GOLGB1: variants seen among roughly 807,000 people sequenced by gnomAD.
GOLGB1 encodes golgin B1, also known as golgin subfamily B member 1.
In GOLGB1, 174 loss-of-function variants were observed where a neutral mutation model predicts 336.9. The ratio of observed to expected loss-of-function variants is 0.52; its 90% confidence interval spans 0.46 to 0.59. GOLGB1 has a LOEUF of 0.59. Ranked by LOEUF, GOLGB1 falls within the 20% of genes least tolerant of loss-of-function variation. The pLI is 0.00. For missense variants in GOLGB1, 3,331 were observed against 3,645.3 expected (o/e 0.91, Z 2.22); for synonymous variants, 1,208 against 1,289.2 (o/e 0.94, Z 1.35).
Position 121,693,734 on chromosome 3 carries a change from C to T in GOLGB1, c.6782+7G>A. ...TCTGGAGGAGGAAAAATTCACTACT[C>T]ATTTACCTGGAAATGTTAATCTTTA... On this transcript the variant is annotated splice_region_variant and intron_variant, in intron 13 of 21. Coordinates refer to ENST00000614479, the MANE Select transcript of GOLGB1 (RefSeq NM_001366282.2). The T allele has an allele frequency of 6.3e-7, 1 of 1,582,738 alleles. No individual in the cohort carries two copies. Among genetic ancestry groups the T allele is most frequent in the Non-Finnish European group, 8.6e-7 (1 of 1,160,158 alleles).
intron 6 of GOLGB1, among the ~76,000 whole-genome samples, chr3:121,721,656 G>C (rs951476458): frequency 6.6e-6 from 1 of 151,922 alleles, no homozygotes; most frequent in Non-Finnish European, 1.5e-5. Flanking sequence ...GTGGGAGTGC[G>C]TGGCCAACCA....
At position 121,726,952 on chromosome 3, in the gene GOLGB1, T is replaced by C. The variant is rs377308999; in HGVS notation, c.492A>G (p.Gln164=). 1 of 1,604,858 alleles carries C rather than the reference T, an allele frequency of 6.2e-7. No homozygotes were observed. Among genetic ancestry groups the C allele is most frequent in the African/African-American group, 1.3e-5 (1 of 74,724 alleles). ...QEKEELISTL[Q]AQLTQAQAEQ... is the part of the protein sequence containing the mutation. ...CTGCCTGTGCCTGAGTAAGCTGGGC[T>C]TGCAAAGTGCTGATTAGTTCCTCCT... The change falls in exon 5 of 22, where the codon CAA becomes CAG. Residue 164 remains glutamine, a synonymous_variant. Transcript: ENST00000614479.
At chr3:121,714,801 G>A (rs142570934) in intron 10 of GOLGB1, 60 bp downstream of exon 10, 32 of 1,061,244 alleles carry the variant, frequency 3.0e-5, no homozygotes, top group Admixed American at 2.2e-4. Flanking sequence ...TTAGAGCACC[G>A]AAGTACAGAT....
chr3:121,677,534 C>T, intron 15 of GOLGB1, 84 bp from the exon 16 acceptor site: 1 of 870,438 alleles, frequency 1.1e-6, no homozygotes, highest in Non-Finnish European at 1.8e-6. Context: ...CAGCACTTTG[C>T]TTATCTTCAA....
chr3:121,730,997 A>G (rs961541547), intron 1 of GOLGB1, 24 bp from the exon 2 acceptor site: 2 of 1,603,376 alleles, frequency 1.2e-6, no homozygotes, highest in African/African-American at 2.7e-5. Context: ...AGGGGGGAAA[A>G]AACCTAAGAA....
intron 13 of GOLGB1, among the ~76,000 whole-genome samples, chr3:121,693,213 G>A (rs1560219096): frequency 6.6e-6 from 1 of 152,202 alleles, no homozygotes; most frequent in Non-Finnish European, 1.5e-5. Flanking sequence ...GAGGCCAGGT[G>A]CAATGGCTCA....
At chr3:121,664,723 G>T in intron 21 of GOLGB1, 109 bp from the exon 22 acceptor site, 1 of 1,084,132 alleles carries the variant, frequency 9.2e-7, no homozygotes, top group Non-Finnish European at 1.4e-6. Context: ...CTGTAGAAAG[G>T]GGTATTCTGA....
intron 14 of GOLGB1, among the ~76,000 whole-genome samples, chr3:121,688,870 C>T (rs1576325472): frequency 6.7e-6 from 1 of 148,720 alleles, no homozygotes; most frequent in African/African-American, 2.5e-5. Flanking sequence ...CATCTCTGCC[C>T]AGCCGCCCCG....
Position 121,696,676 on chromosome 3 carries a change from G to A in GOLGB1, c.3847C>T (p.Pro1283Ser), listed in dbSNP as rs1942976180. ...FKATEQHHTQ[P>S]VLESNLCPDW... ...GGGCACAAGTTGGACTCTAAAACAG[G>A]TTGAGTGTGATGCTGTTCTGTGGCT... The change falls in exon 13 of 22, where the codon CCT (proline) becomes TCT (serine). Residue 1283 changes from proline (P) to serine (S), a missense_variant. Physicochemically the swap from Pro to Ser is moderately conservative, Grantham distance 74 (BLOSUM62 -1). Coordinates refer to ENST00000614479, the MANE Select transcript of GOLGB1 (RefSeq NM_001366282.2). The A allele has an allele frequency of 1.2e-6, 2 of 1,614,106 alleles. No homozygotes were observed. Among genetic ancestry groups the A allele is most frequent in the East Asian group, 4.5e-5 (2 of 44,884 alleles).
intron 1 of GOLGB1, among the ~76,000 whole-genome samples, chr3:121,744,840 G>C (rs1485796839): frequency 6.6e-6 from 1 of 152,152 alleles, no homozygotes; most frequent in Non-Finnish European, 1.5e-5. Context: ...CAGTCTCAGA[G>C]ATCCACAGGA....
chr3:121,728,128 G>A (rs1328870407), intron 4 of GOLGB1, among the ~76,000 whole-genome samples: 1 of 152,106 alleles, frequency 6.6e-6, no homozygotes, highest in African/African-American at 2.4e-5. Context: ...AACTGACAGA[G>A]GAAAAACCAA....
rs751606190 is a variant in GOLGB1 at position 121,697,850 on chromosome 3, C to G, written c.2673G>C (p.Lys891Asn). Residue 891 changes from lysine to asparagine, a missense_variant, in exon 13 of 22, where the codon AAG becomes AAC. Lys to Asn is a moderately conservative substitution (Grantham distance 94). Coordinates refer to ENST00000614479, the MANE Select transcript of GOLGB1 (RefSeq NM_001366282.2). ...TKMDQLLLEKKRDVETLQQTI... is the reference protein window; with the variant it reads ...TKMDQLLLEKNRDVETLQQTI... ...TTTGTTGGAGGGTTTCCACATCTCT[C>G]TTTTTCTCTAGTAAGAGCTGATCCA... 11 of 1,613,998 alleles carry G rather than the reference C, an allele frequency of 6.8e-6. No individual in the cohort carries two copies. Among genetic ancestry groups the G allele is most frequent in the Non-Finnish European group, 9.3e-6 (11 of 1,179,978 alleles).
Position 121,730,896 on chromosome 3 carries a change from T to A in GOLGB1, c.76A>T (p.Met26Leu), listed in dbSNP as rs754774035. Reference protein sequence around the residue: ...LSGDDDTDQNMRAPLDPELHQ... With the variant: ...LSGDDDTDQNLRAPLDPELHQ... ...CTCACAGGGTCTAGGGGAGCCCTCA[T>A]ATTCTGATCAGTGTCATCATCTCCT... The change falls in exon 2 of 22, where the codon ATG becomes TTG. Residue 26 changes from methionine to leucine, a missense_variant. By Grantham distance (15) the Met-to-Leu change is conservative. Coordinates refer to ENST00000614479, the MANE Select transcript of GOLGB1 (RefSeq NM_001366282.2). The A allele has an allele frequency of 2.2e-5, 36 of 1,612,450 alleles. No individual in the cohort carries two copies. Among genetic ancestry groups the A allele is most frequent in the Non-Finnish European group, 3.0e-5 (35 of 1,178,618 alleles).
At position 121,674,552 on chromosome 3, in the gene GOLGB1, AG is replaced by A. The variant is rs374293664; in HGVS notation, c.9177+2340del. Among the ~76,000 whole-genome samples the A allele has an allele frequency of 1.0e-3, 155 of 152,342 alleles. 1 individual carries two copies. The East Asian group carries it at 0.017, about 17-fold the overall frequency. On this transcript the variant is annotated intron_variant, in intron 17 of 21. Coordinates refer to ENST00000614479, the MANE Select transcript of GOLGB1 (RefSeq NM_001366282.2). ...GTGAATGCAGAAATTACCAATATGA[AG>A]GGCCAACTATAAATATAAAACCTGA...
rs773157470 is a variant in GOLGB1 at position 121,694,505 on chromosome 3, G to C, written c.6018C>G (p.Pro2006=). Residue 2006 remains proline, a synonymous_variant, in exon 13 of 22, where the codon CCC becomes CCG. Coordinates refer to ENST00000614479, the MANE Select transcript of GOLGB1 (RefSeq NM_001366282.2). Reference sequence around the variant, plus strand: ...GTTCCTTTGCATGGCTTTTATTTCCGGGTTCTTTCTGAGCACCTTGTATTT... The same window carrying C: ...GTTCCTTTGCATGGCTTTTATTTCCCGGTTCTTTCTGAGCACCTTGTATTT... ...LEKIQGAQKE[P]GNKSHAKELQ... is the part of the protein sequence containing the mutation. The C allele has an allele frequency of 1.9e-6, 3 of 1,610,820 alleles. No homozygotes were observed. Among genetic ancestry groups the C allele is most frequent in the African/African-American group, 2.7e-5 (2 of 74,586 alleles).
At chr3:121,747,341 A>C (rs1420676171) in intron 1 of GOLGB1, among the ~76,000 whole-genome samples, 2 of 117,888 alleles carry the variant, frequency 1.7e-5, no homozygotes, top group East Asian at 2.3e-4. Flanking sequence ...GTATATATGT[A>C]TATATATGTG....
At position 121,677,274 on chromosome 3, in the gene GOLGB1, A is replaced by C; in HGVS notation, c.9039+11T>G. On this transcript the variant is annotated intron_variant, in intron 16 of 21. Coordinates refer to ENST00000614479, the MANE Select transcript of GOLGB1 (RefSeq NM_001366282.2). ...TATCTCTGAGTAACAATCAGCATTG[A>C]AATTACTCACCTGTCTTTGGTATTG... The C allele has an allele frequency of 2.5e-6, 4 of 1,578,660 alleles. No individual in the cohort carries two copies. The highest frequency in any genetic ancestry group is 3.5e-6 in the Non-Finnish European group (4 of 1,154,244).
intron 5 of GOLGB1, among the ~76,000 whole-genome samples, chr3:121,725,639 G>A (rs977038370): frequency 1.3e-5 from 2 of 152,098 alleles, no homozygotes; most frequent in East Asian, 1.9e-4. Context: ...AGCCAAGGGT[G>A]GAAGGCTATG....
Position 121,696,443 on chromosome 3 carries a change from ACT to A in GOLGB1, c.4078_4079del (p.Leu1361LysfsTer6). 1 of 1,613,714 alleles carries A rather than the reference ACT, an allele frequency of 6.2e-7. No individual in the cohort carries two copies. Among genetic ancestry groups the A allele is most frequent in the Non-Finnish European group, 8.5e-7 (1 of 1,179,916 alleles). On this transcript the variant is annotated frameshift_variant, in exon 13 of 22. Coordinates refer to ENST00000614479, the MANE Select transcript of GOLGB1 (RefSeq NM_001366282.2). LOFTEE classifies it high-confidence loss of function. ...QINKQGLEIE[S>X]LKTVSHEAEV... ...CAGCTTCATGGGATACTGTCTTTAG[ACT>A]CTCGATTTCTAAACCCTGTTTATTT...
Sources: allele counts gnomAD v4.1 joint callset (sites outside exome capture counted in the v4.1 genomes callset), GRCh38; gene constraint gnomAD v4.1.1; transcripts MANE v1.5; gene names NCBI Gene and HGNC (gene_info 2026-07-23, HGNC 2026-07-21).